Variants in AP3B1 observed in about 807,000 individuals in gnomAD.
The protein encoded by AP3B1 is adaptor related protein complex 3 subunit beta 1, also known as AP-3 complex subunit beta-1.
In AP3B1, 61 loss-of-function variants were observed where a neutral mutation model predicts 132.5. The ratio of observed to expected loss-of-function variants is 0.46; its 90% CI spans 0.37 to 0.57. The LOEUF is 0.57. AP3B1 is among the 20% of genes least tolerant of loss of function. The pLI is 0.00. For synonymous variants in AP3B1, 388 were observed against 438.3 expected, an observed-to-expected ratio of 0.89 and a Z score of 1.43; for missense variants, 1,120 against 1,289.4, an observed-to-expected ratio of 0.87 and a Z score of 2.01.
At chr5:78,184,447 G>A (rs1744510547) in intron 7 of AP3B1, among the ~76,000 whole-genome samples, 1 of 152,082 alleles carries the variant, frequency 6.6e-6, no homozygotes, top group African/African-American at 2.4e-5. Flanking sequence ...CAGCACTTTG[G>A]GAGGCGAGGC....
intron 25 of AP3B1, among the ~76,000 whole-genome samples, chr5:78,019,576 A>G (rs1449781683): frequency 6.6e-6 from 1 of 152,134 alleles, no homozygotes; most frequent in African/African-American, 2.4e-5. Flanking sequence ...ATAAAATCAC[A>G]AAGATAATTT....
intron 24 of AP3B1, among the ~76,000 whole-genome samples, chr5:78,026,131 T>C: frequency 6.6e-6 from 1 of 152,214 alleles, no homozygotes; most frequent in East Asian, 1.9e-4. Context: ...ATTATCTCCA[T>C]TTCTACACAT....
At chr5:78,034,949 G>A (rs1446982400) in intron 23 of AP3B1, among the ~76,000 whole-genome samples, 1 of 151,798 alleles carries the variant, frequency 6.6e-6, no homozygotes, top group African/African-American at 2.4e-5. Flanking sequence ...AAATTAAGAT[G>A]CACTCAGAAA....
At chr5:78,246,468 T>C (rs959201400) in intron 2 of AP3B1, among the ~76,000 whole-genome samples, 2 of 152,228 alleles carry the variant, frequency 1.3e-5, no homozygotes, top group Admixed American at 6.5e-5. Flanking sequence ...GAAGAGCTTA[T>C]GTAGAACTGA....
chr5:78,106,969 G>A (rs1173050456), intron 20 of AP3B1, among the ~76,000 whole-genome samples: 3 of 152,162 alleles, frequency 2.0e-5, no homozygotes, highest in African/African-American at 7.2e-5. Flanking sequence ...ATGTTACCAT[G>A]GAAGTAATTA....
chr5:78,094,371 G>T (rs1750680186), intron 21 of AP3B1, among the ~76,000 whole-genome samples: 1 of 152,130 alleles, frequency 6.6e-6, no homozygotes, highest in Non-Finnish European at 1.5e-5. Context: ...AGAAACTGTG[G>T]AAGTTTTATA....
At chr5:78,228,710 G>A (rs1165909173) in intron 3 of AP3B1, among the ~76,000 whole-genome samples, 1 of 151,996 alleles carries the variant, frequency 6.6e-6, no homozygotes, top group Non-Finnish European at 1.5e-5. Flanking sequence ...ATAAGAGAAA[G>A]AATTTGGGCC....
chr5:78,071,183 A>T (rs1364685915), intron 22 of AP3B1, among the ~76,000 whole-genome samples: 1 of 152,254 alleles, frequency 6.6e-6, no homozygotes, highest in African/African-American at 2.4e-5. Context: ...GATAGACTGG[A>T]TAAAGAAAAT....
At chr5:78,039,734 C>T (rs1452842667) in intron 22 of AP3B1, among the ~76,000 whole-genome samples, 21 of 147,364 alleles carry the variant, frequency 1.4e-4, no homozygotes, top group African/African-American at 5.1e-4. Flanking sequence ...GCCGAGATCG[C>T]GCCACTGCAC....
intron 15 of AP3B1, among the ~76,000 whole-genome samples, chr5:78,134,446 A>T (rs1247368302): frequency 6.6e-6 from 1 of 152,218 alleles, no homozygotes; most frequent in Non-Finnish European, 1.5e-5. Context: ...ACAAACAAAT[A>T]TGTTTGGTAA....
At chr5:78,227,602 A>G (rs1746451536) in intron 4 of AP3B1, 70 bp from the exon 5 acceptor site, 1 of 1,474,924 alleles carries the variant, frequency 6.8e-7, no homozygotes. Flanking sequence ...TTTCAGACAC[A>G]GTTAATAGGT....
At chr5:78,080,063 C>A (rs1374188493) in intron 22 of AP3B1, among the ~76,000 whole-genome samples, 2 of 152,164 alleles carry the variant, frequency 1.3e-5, no homozygotes, top group Non-Finnish European at 2.9e-5. Context: ...GGCTGGAGTG[C>A]AGTGGTGCGA....
At chr5:78,239,158 T>C (rs76753772) in intron 3 of AP3B1, among the ~76,000 whole-genome samples, 2,800 of 151,888 alleles carry the variant, frequency 0.018, 99 homozygotes, top group African/African-American at 0.064. Flanking sequence ...AAATACTAAA[T>C]TAAGGGGAAA....
intron 14 of AP3B1, among the ~76,000 whole-genome samples, chr5:78,142,044 T>C (rs2112359): frequency 0.041 from 6,237 of 152,268 alleles, 192 homozygotes; most frequent in East Asian, 0.14. Flanking sequence ...ACACTGGAAA[T>C]ATATCAAACT....
At chr5:78,066,773 C>T (rs1192551022) in intron 22 of AP3B1, among the ~76,000 whole-genome samples, 2 of 152,138 alleles carry the variant, frequency 1.3e-5, no homozygotes, top group African/African-American at 4.8e-5. Flanking sequence ...ACTTCCCCAG[C>T]CTAGCAAGAC....
At chr5:78,054,495 G>A (rs964365060) in intron 22 of AP3B1, among the ~76,000 whole-genome samples, 4 of 142,906 alleles carry the variant, frequency 2.8e-5, no homozygotes, top group Non-Finnish European at 1.5e-5. Flanking sequence ...AATCTTGGTA[G>A]TAACAATGAT....
chr5:78,030,257 C>T (rs570556147), intron 24 of AP3B1, among the ~76,000 whole-genome samples: 1 of 152,264 alleles, frequency 6.6e-6, no homozygotes, highest in Non-Finnish European at 1.5e-5. Flanking sequence ...CCCGCCTCAG[C>T]CTCCTGAGTA....
At chr5:78,052,571 C>T (rs1455438452) in intron 22 of AP3B1, among the ~76,000 whole-genome samples, 2 of 152,156 alleles carry the variant, frequency 1.3e-5, no homozygotes, top group Non-Finnish European at 2.9e-5. Flanking sequence ...GCTGCTGTTG[C>T]ATTAAAATGG....
Position 78,045,400 on chromosome 5 carries a change from A to AAC in AP3B1, c.2578-6127_2578-6126insGT, listed in dbSNP as rs774847495. ...TGTCTCAAAAAAAAAAAAAAAAAAA[A>AAC]CACAAAGAAAAAGAAAATGTTTGAT... is the stretch of plus-strand genomic sequence containing the variant. On this transcript the variant is annotated intron_variant, in intron 22 of 26. Transcript: ENST00000255194. 7.5e-3 allele frequency among the ~76,000 whole-genome samples: 1,106 copies of AAC among 148,272 alleles called. 19 individuals carry two copies. Among genetic ancestry groups the AAC allele is most frequent in the Middle Eastern group, 0.021 (6 of 286 alleles).
Sources: gnomAD v4.1 joint callset for allele counts (sites outside exome capture counted in the v4.1 genomes callset) on GRCh38, gnomAD v4.1.1 for gene constraint, MANE v1.5 for transcripts, NCBI Gene and HGNC (gene_info 2026-07-23, HGNC 2026-07-21) for gene names.